NOVA1: variants seen among roughly 807,000 people sequenced by gnomAD.
NOVA1 encodes RNA-binding protein Nova-1.
NOVA1 carries 7 observed loss-of-function variants against 38.0 expected under a neutral mutation model. The observed-to-expected ratio is 0.18, with a 90% CI of 0.10 to 0.35. NOVA1 has a LOEUF of 0.35. Ranked by LOEUF, NOVA1 falls within the 10% of genes least tolerant of loss-of-function variation. The pLI is 1.00. For missense variants in NOVA1, 460 were observed against 616.0 expected (o/e 0.75, Z 2.68); for synonymous variants, 270 against 232.5 (o/e 1.16, Z -1.47).
chr14:26,584,003 A>C lies in NOVA1; in HGVS notation c.280+11407T>G, dbSNP rs188752554. Among the ~76,000 whole-genome samples the C allele has an allele frequency of 1.5e-3, 227 of 151,616 alleles. 1 individual carries two copies. Among genetic ancestry groups the C allele is most frequent in the African/African-American group, 5.3e-3 (221 of 41,492 alleles). Reference sequence around the variant, plus strand: ...TGCTAAGAAAGCAAGAAAGGCCTACATATTGAATGAATTTAAGAAACAAGA... The same window carrying C: ...TGCTAAGAAAGCAAGAAAGGCCTACCTATTGAATGAATTTAAGAAACAAGA... On this transcript the variant is annotated intron_variant, in intron 2 of 4. Coordinates refer to ENST00000539517, the MANE Select transcript of NOVA1 (RefSeq NM_002515.3).
intron 2 of NOVA1, among the ~76,000 whole-genome samples, chr14:26,512,875 T>C (rs2138462762): frequency 6.6e-6 from 1 of 152,170 alleles, no homozygotes; most frequent in Non-Finnish European, 1.5e-5. Context: ...AGTCACCTCA[T>C]GTTCAAGAGA....
intron 4 of NOVA1, chr14:26,470,219 T>C: frequency 1.9e-6 from 2 of 1,055,610 alleles, no homozygotes; most frequent in Admixed American, 3.6e-5. Flanking sequence ...ACCTATTTTC[T>C]TATCTTGGTT....
intron 2 of NOVA1, among the ~76,000 whole-genome samples, chr14:26,483,333 T>TA (rs1885612282): frequency 6.6e-6 from 1 of 152,214 alleles, no homozygotes; most frequent in South Asian, 2.1e-4. Context: ...CTTCTCCAGT[T>TA]AGAGTTATTT....
chr14:26,469,565 G>A (rs940117077), intron 4 of NOVA1, among the ~76,000 whole-genome samples: 10 of 152,152 alleles, frequency 6.6e-5, no homozygotes, highest in Non-Finnish European at 1.3e-4. Flanking sequence ...CATTTCTTAT[G>A]TCAATCCTAT....
chr14:26,477,199 T>C (rs1003207342), intron 3 of NOVA1, among the ~76,000 whole-genome samples: 1 of 152,224 alleles, frequency 6.6e-6, no homozygotes, highest in Non-Finnish European at 1.5e-5. Context: ...TGCCCATGAA[T>C]AATGAACAAA....
rs934407559 is a variant in NOVA1 at position 26,473,717 on chromosome 14, T to C, written c.448-1326A>G. On this transcript the variant is annotated intron_variant, in intron 3 of 4. Transcript: ENST00000539517. ...TTCTAACATCATACCATGTTTTACA[T>C]AGTCCACTCCTCAAATAATTCCTGA... Among the ~76,000 whole-genome samples the C allele has an allele frequency of 3.3e-5, 5 of 151,992 alleles. No individual in the cohort carries two copies. In the East Asian group the frequency reaches 5.8e-4, roughly 18 times the overall value.
rs1232471128 is a variant in NOVA1, at chr14:26,448,013, TTG to T, written c.1468_1469del (p.Gln490LysfsTer5). 1 of 1,614,122 alleles carries T rather than the reference TTG, an allele frequency of 6.2e-7. No homozygotes were observed. The highest frequency in any genetic ancestry group is 8.5e-7 in the Non-Finnish European group (1 of 1,180,030). The part of the protein sequence containing the change: ...ATQAAQYLIT[Q>X]RITYEQGVRA... ...GAACTCCTTGCTCATATGTGATCCT[TTG>T]TGTAATTAAATATTGAGCAGCCTGT... On this transcript the variant is annotated frameshift_variant, in exon 5 of 5. Transcript: ENST00000539517. LOFTEE classifies it high-confidence loss of function. The surrounding 1 kb of genome is among the most constrained non-coding windows in gnomAD (Gnocchi z 5.3).
At chr14:26,482,005 AAAAAAAAAAC>A (rs1281221403) in intron 2 of NOVA1, among the ~76,000 whole-genome samples, 156 of 146,744 alleles carry the variant, frequency 1.1e-3, no homozygotes, top group Non-Finnish European at 1.8e-3. Context: ...AAAAAAAAAA[AAAAAAAAAAC>A]ATGGCTCTAA....
At chr14:26,528,420 G>A (rs1019491179) in intron 2 of NOVA1, among the ~76,000 whole-genome samples, 8 of 152,118 alleles carry the variant, frequency 5.3e-5, no homozygotes, top group Non-Finnish European at 7.3e-5. Context: ...GCTAAGCCAT[G>A]TAGGGCCAAC....
chr14:26,470,309 A>C (rs574999837), intron 4 of NOVA1: 1 of 1,414,876 alleles, frequency 7.1e-7, no homozygotes, highest in African/African-American at 1.4e-5. Context: ...ACAACAAAAA[A>C]CACATTTCCT....
chr14:26,507,349 T>C (rs1044365447), intron 2 of NOVA1, among the ~76,000 whole-genome samples: 4 of 152,098 alleles, frequency 2.6e-5, no homozygotes, highest in Non-Finnish European at 4.4e-5. Flanking sequence ...TAGTAGTTTA[T>C]AGATGAGAAT....
At chr14:26,497,709 C>T (rs1886923895) in intron 2 of NOVA1, among the ~76,000 whole-genome samples, 1 of 152,088 alleles carries the variant, frequency 6.6e-6, no homozygotes, top group Non-Finnish European at 1.5e-5. Flanking sequence ...AATAATTATG[C>T]ATGGAAAAAG....
intron 2 of NOVA1, among the ~76,000 whole-genome samples, chr14:26,496,886 G>C (rs1455584548): frequency 6.6e-6 from 1 of 152,046 alleles, no homozygotes; most frequent in African/African-American, 2.4e-5. Context: ...ATGCTGTTTT[G>C]GTTACTGTAG....
At chr14:26,499,800 G>C (rs776158479) in intron 2 of NOVA1, among the ~76,000 whole-genome samples, 6 of 152,086 alleles carry the variant, frequency 3.9e-5, no homozygotes, top group Non-Finnish European at 7.4e-5. Context: ...AAAGTGTTTT[G>C]TACATAGCAG....
At chr14:26,541,704 G>C (rs1890476012) in intron 2 of NOVA1, among the ~76,000 whole-genome samples, 1 of 151,268 alleles carries the variant, frequency 6.6e-6, no homozygotes, top group Non-Finnish European at 1.5e-5. Context: ...GAAAATACAA[G>C]AAAAATGTAT....
At chr14:26,575,430 T>C (rs906861950) in intron 2 of NOVA1, among the ~76,000 whole-genome samples, 3 of 152,168 alleles carry the variant, frequency 2.0e-5, no homozygotes, top group East Asian at 1.9e-4. Context: ...TAAGGGATGA[T>C]TTAAGAAATA....
intron 2 of NOVA1, among the ~76,000 whole-genome samples, chr14:26,499,830 C>G (rs1386157815): frequency 6.6e-6 from 1 of 152,064 alleles, no homozygotes; most frequent in Non-Finnish European, 1.5e-5. Flanking sequence ...TTATTAGCCA[C>G]AGTCAATTCC....
intron 2 of NOVA1, among the ~76,000 whole-genome samples, chr14:26,488,365 C>A (rs1406294481): frequency 6.6e-6 from 1 of 152,168 alleles, no homozygotes; most frequent in Non-Finnish European, 1.5e-5. Flanking sequence ...TGTTGTCCAG[C>A]TTGTCGTTCA....
At chr14:26,458,000 C>A (rs1320353917) in intron 4 of NOVA1, among the ~76,000 whole-genome samples, 1 of 151,656 alleles carries the variant, frequency 6.6e-6, no homozygotes, top group African/African-American at 2.4e-5. Flanking sequence ...ACAAACAACC[C>A]CATTAAAAAT....
Sources: gnomAD v4.1 joint callset for allele counts (sites outside exome capture counted in the v4.1 genomes callset) on GRCh38, gnomAD v4.1.1 for gene constraint, Gnocchi (gnomAD v3.1) non-coding constraint, MANE v1.5 for transcripts, NCBI Gene and HGNC (gene_info 2026-07-23, HGNC 2026-07-21) for gene names.